The following COL4A2 variants were observed in gnomAD, a reference collection of about 807,000 sequenced individuals.
COL4A2 encodes collagen type IV alpha 2 chain, also known as collagen alpha-2(IV) chain.
In COL4A2, 99 loss-of-function variants were observed where a neutral mutation model predicts 200.2. The observed-to-expected ratio is 0.49, with a 90% CI of 0.42 to 0.58. The LOEUF (loss-of-function observed/expected upper bound fraction) is 0.58, where lower values mean the gene tolerates loss of function less well. Among genes scored for constraint, COL4A2 ranks in the 20% least tolerant of loss-of-function variants. The pLI is 0.00. For missense variants in COL4A2, 1,950 were observed against 2,314.1 expected, an observed-to-expected ratio of 0.84 and a Z score of 3.23; for synonymous variants, 897 against 900.6, an observed-to-expected ratio of 1.00 and a Z score of 0.07.
At chr13:110,346,500 G>A (rs918398777) in intron 3 of COL4A2, among the ~76,000 whole-genome samples, 16 of 152,158 alleles carry the variant, frequency 1.1e-4, no homozygotes, top group South Asian at 2.1e-4. Context: ...CAAGACATTC[G>A]AAGACAGGCA....
intron 44 of COL4A2, 28 bp from the exon 45 acceptor site, chr13:110,504,120 G>GCT: frequency 6.2e-7 from 1 of 1,609,930 alleles, no homozygotes; most frequent in Non-Finnish European, 8.5e-7. Flanking sequence ...TCAGTTTCCA[G>GCT]CCATAACGCT....
chr13:110,410,374 C>G (rs1166815337), intron 4 of COL4A2, among the ~76,000 whole-genome samples: 3 of 152,218 alleles, frequency 2.0e-5, no homozygotes, highest in Non-Finnish European at 4.4e-5. Context: ...CTGCTAACAT[C>G]CTGAGGGTAG....
intron 4 of COL4A2, among the ~76,000 whole-genome samples, chr13:110,392,612 A>G (rs539044559): frequency 1.3e-5 from 2 of 152,310 alleles, no homozygotes; most frequent in East Asian, 3.9e-4. Context: ...CCCATGCAGA[A>G]AAAAAGACCA....
At chr13:110,475,097 C>T (rs1882659736) in intron 29 of COL4A2, among the ~76,000 whole-genome samples, 1 of 152,280 alleles carries the variant, frequency 6.6e-6, no homozygotes, top group Non-Finnish European at 1.5e-5. Flanking sequence ...CCTATGCATG[C>T]TCACACATAC....
At chr13:110,505,098 C>T (rs1383599434) in intron 45 of COL4A2, among the ~76,000 whole-genome samples, 6 of 151,864 alleles carry the variant, frequency 4.0e-5, no homozygotes, top group African/African-American at 1.5e-4. Flanking sequence ...CGCCTGTAAT[C>T]CCAGCACTTT....
At chr13:110,387,458 G>A (rs1878802491) in intron 4 of COL4A2, among the ~76,000 whole-genome samples, 1 of 152,210 alleles carries the variant, frequency 6.6e-6, no homozygotes, top group Non-Finnish European at 1.5e-5. Context: ...CGTGGCCAGA[G>A]GGATTCTGAA....
chr13:110,432,375 G>A lies in COL4A2; in HGVS notation c.684+15G>A, dbSNP rs753982315. The stretch of plus-strand genomic sequence containing the variant: ...AAGGACAGCAAGTAAGTTGGTTTTG[G>A]GGGGTGAGGATGAGGGAAGGGGGTA... On this transcript the variant is annotated intron_variant, in intron 11 of 47. Transcript: ENST00000360467. 30 of 1,603,844 alleles carry A rather than the reference G, an allele frequency of 1.9e-5. 1 individual carries two copies. The South Asian group carries it at 2.2e-4, about 12-fold the overall frequency.
intron 32 of COL4A2, 46 bp downstream of exon 32, chr13:110,482,705 C>A (rs373605735): frequency 6.4e-7 from 1 of 1,572,980 alleles, no homozygotes; most frequent in East Asian, 2.3e-5. Context: ...ATGGTGGCAT[C>A]CTCCTTACCC....
intron 4 of COL4A2, among the ~76,000 whole-genome samples, chr13:110,407,793 C>T (rs527344624): frequency 2.6e-5 from 4 of 152,248 alleles, no homozygotes; most frequent in African/African-American, 7.2e-5. Flanking sequence ...AGTGTGAGGA[C>T]GGGGGACAGC....
intron 24 of COL4A2, 103 bp downstream of exon 24, chr13:110,462,487 C>G (rs955878003): frequency 1.8e-6 from 2 of 1,096,218 alleles, no homozygotes; most frequent in Non-Finnish European, 1.3e-6. Context: ...ACTAAACCAA[C>G]CTGTGCATAG....
chr13:110,431,562 C>T (rs1363591637), intron 10 of COL4A2, among the ~76,000 whole-genome samples: 1 of 152,186 alleles, frequency 6.6e-6, no homozygotes, highest in South Asian at 2.1e-4. Context: ...TCATACGAGG[C>T]GCTGTTGCTG....
At chr13:110,507,245 GC>G (rs1418174884) in intron 46 of COL4A2, among the ~76,000 whole-genome samples, 3 of 152,178 alleles carry the variant, frequency 2.0e-5, no homozygotes, top group African/African-American at 7.2e-5. Context: ...CATGTTGCTG[GC>G]TCATGGTGCC....
chr13:110,424,560 A>G (rs1016916299), intron 4 of COL4A2, among the ~76,000 whole-genome samples, 174 bp from the exon 5 acceptor site: 5 of 150,442 alleles, frequency 3.3e-5, no homozygotes, highest in African/African-American at 9.8e-5. Context: ...CTTAAACTCT[A>G]TGACTTCTTT....
At position 110,489,488 on chromosome 13, in the gene COL4A2, T is replaced by C. The variant is rs771420771; in HGVS notation, c.3251T>C (p.Ile1084Thr). ...GGGAGAGCAGGCCTGTATGGCGAGA[T>C]TGGCGCGACTGGTGATTTCGGTGAG... ...APGRAGLYGE[I>T]GATGDFGDIG... Residue 1084 changes from isoleucine to threonine, a missense_variant, in exon 35 of 48, where the codon ATT becomes ACT. Physicochemically the swap from Ile to Thr is moderately conservative, Grantham distance 89. Coordinates refer to ENST00000360467, the MANE Select transcript of COL4A2 (RefSeq NM_001846.4). The C allele has an allele frequency of 1.1e-5, 17 of 1,614,054 alleles. No individual in the cohort carries two copies. The East Asian group carries it at 1.8e-4, about 17-fold the overall frequency.
At chr13:110,430,008 C>T in intron 8 of COL4A2, 52 bp downstream of exon 8, 1 of 1,499,498 alleles carries the variant, frequency 6.7e-7, no homozygotes, top group South Asian at 1.3e-5. Flanking sequence ...TGTAAATTCT[C>T]AACTAACAAA....
chr13:110,340,217 A>C (rs954529003), intron 3 of COL4A2, among the ~76,000 whole-genome samples: 5 of 152,144 alleles, frequency 3.3e-5, no homozygotes, highest in African/African-American at 1.2e-4. Flanking sequence ...TCCTGGGTTC[A>C]AGCAGTTCCC....
At chr13:110,494,068 T>TCA (rs1491368320) in intron 39 of COL4A2, among the ~76,000 whole-genome samples, 1 of 114,420 alleles carries the variant, frequency 8.7e-6, no homozygotes, top group East Asian at 3.0e-4. Context: ...CAAGGGCTTC[T>TCA]TACCACAGGA....
At chr13:110,436,054 G>A (rs2139464221) in intron 12 of COL4A2, 1 of 717,272 alleles carries the variant, frequency 1.4e-6, no homozygotes, top group Non-Finnish European at 2.4e-6. Flanking sequence ...TGGCTTTTAT[G>A]CATAAATTCT....
At position 110,450,873 on chromosome 13, in the gene COL4A2, G is replaced by T. The variant is rs9521767; in HGVS notation, c.1339+419G>T. ...ACCCTTGACTGGCAGCCTCTCTCCT[G>T]TGTTACTCCATCACGTTTAAGCCAC... On this transcript the variant is annotated intron_variant, in intron 20 of 47. Transcript: ENST00000360467. 6.3e-3 allele frequency among the ~76,000 whole-genome samples: 953 copies of T among 152,198 alleles called. 9 individuals are homozygous for T. The highest frequency in any genetic ancestry group is 0.02 in the African/African-American group (811 of 41,494).
Sources: gnomAD v4.1 joint callset for allele counts (sites outside exome capture counted in the v4.1 genomes callset) on GRCh38, gnomAD v4.1.1 for gene constraint, MANE v1.5 for transcripts, NCBI Gene and HGNC (gene_info 2026-07-23, HGNC 2026-07-21) for gene names.